The following DENND2A variants were observed in gnomAD, a reference collection of about 807,000 sequenced individuals.
The protein encoded by DENND2A is DENN domain-containing protein 2A.
In DENND2A, 53 loss-of-function variants were observed where a neutral mutation model predicts 105.3. That is an observed-to-expected ratio of 0.50 (90% CI 0.40 to 0.63). The LOEUF (loss-of-function observed/expected upper bound fraction) is 0.63. Among genes scored for constraint, DENND2A ranks in the 30% least tolerant of loss-of-function variants. The probability of loss-of-function intolerance (pLI) is 0.00; values close to 1 mark genes in which losing one functional copy is unlikely to be tolerated. For synonymous variants in DENND2A, 522 were observed against 508.4 expected (o/e 1.03, Z -0.36); for missense variants, 1,138 against 1,279.6 (o/e 0.89, Z 1.69).
At chr7:140,622,763 G>A (rs1394752546) in intron 1 of DENND2A, among the ~76,000 whole-genome samples, 2 of 151,940 alleles carry the variant, frequency 1.3e-5, no homozygotes, top group East Asian at 3.9e-4. Flanking sequence ...GTGGAGATGG[G>A]GTCTTGCTAT....
chr7:140,617,105 G>A (rs538666825), intron 1 of DENND2A, among the ~76,000 whole-genome samples: 15 of 152,258 alleles, frequency 9.9e-5, no homozygotes, highest in South Asian at 6.2e-4. Flanking sequence ...TGATCTGCCC[G>A]CCTTGGCCTC....
intron 19 of DENND2A, 79 bp from the exon 20 acceptor site, chr7:140,518,817 G>T: frequency 6.7e-7 from 1 of 1,488,098 alleles, no homozygotes; most frequent in Non-Finnish European, 9.3e-7. Flanking sequence ...CCACCCAGAA[G>T]TGGTGCGGGT....
intron 5 of DENND2A, among the ~76,000 whole-genome samples, chr7:140,575,646 G>A (rs1463058341): frequency 6.6e-6 from 1 of 152,120 alleles, no homozygotes; most frequent in Non-Finnish European, 1.5e-5. Context: ...TACCCACACA[G>A]TGGAATACCA....
In DENND2A at chr7:140,581,789, T is replaced by C. The variant is rs115329359; in HGVS notation, c.1245+3800A>G. 6.1e-3 allele frequency among the ~76,000 whole-genome samples: 922 copies of C among 152,282 alleles called. 6 individuals are homozygous for C. Among genetic ancestry groups the C allele is most frequent in the African/African-American group, 0.021 (853 of 41,554 alleles). On this transcript the variant is annotated intron_variant, in intron 5 of 19. Transcript: ENST00000496613. ...TGTTCAGGACAGCTACAGATACAGA[T>C]ACAGCTGGACGTTAAGTTCTTGTTG...
At chr7:140,587,895 T>C in intron 3 of DENND2A, 115 bp from the exon 4 acceptor site, 1 of 1,138,638 alleles carries the variant, frequency 8.8e-7, no homozygotes, top group Non-Finnish European at 1.2e-6. Flanking sequence ...GAAAAATTGT[T>C]ACCGAAATCA....
chr7:140,601,072 T>C (rs1799466863), intron 3 of DENND2A, among the ~76,000 whole-genome samples: 1 of 152,188 alleles, frequency 6.6e-6, no homozygotes, highest in Non-Finnish European at 1.5e-5. Flanking sequence ...TAGCAGGGAC[T>C]ACCAAGTTGT....
At chr7:140,524,246 T>C (rs1795965826) in intron 16 of DENND2A, among the ~76,000 whole-genome samples, 1 of 152,190 alleles carries the variant, frequency 6.6e-6, no homozygotes, top group South Asian at 2.1e-4. Flanking sequence ...TTGGAAGTAA[T>C]CCATCAGAAT....
At chr7:140,568,069 T>A (rs1309322510) in intron 8 of DENND2A, among the ~76,000 whole-genome samples, 1 of 152,098 alleles carries the variant, frequency 6.6e-6, no homozygotes, top group East Asian at 1.9e-4. Flanking sequence ...GCCTCCTGAG[T>A]ATCTGGGATT....
At chr7:140,605,656 G>A (rs1183155340) in intron 2 of DENND2A, 49 bp downstream of exon 2, 1 of 152,196 alleles carries the variant, frequency 6.6e-6, no homozygotes, top group African/African-American at 2.4e-5. Flanking sequence ...TGGTAGGAGA[G>A]TAAGAAGCTG....
At chr7:140,569,765 C>T (rs767919573) in intron 6 of DENND2A, 27 bp from the exon 7 acceptor site, 2 of 1,499,170 alleles carry the variant, frequency 1.3e-6, no homozygotes, top group Non-Finnish European at 1.9e-6. Flanking sequence ...GAAGAACAGC[C>T]AGTGTTAGCA....
At chr7:140,557,532 T>TATATATATATATATATATATG (rs71173208) in intron 11 of DENND2A, among the ~76,000 whole-genome samples, 1 of 14,290 alleles carries the variant, frequency 7.0e-5, no homozygotes, top group Admixed American at 1.9e-3. Context: ...TATATATATA[T>TATATATATATATATATATATG]TTTTTTTTTT....
At chr7:140,558,895 C>G (rs939682360) in intron 10 of DENND2A, among the ~76,000 whole-genome samples, 4 of 148,626 alleles carry the variant, frequency 2.7e-5, no homozygotes, top group Admixed American at 2.0e-4. Context: ...CTCTGCCGCC[C>G]GGGTTCAAGC....
At chr7:140,542,750 G>A (rs1796723534) in intron 14 of DENND2A, among the ~76,000 whole-genome samples, 1 of 151,910 alleles carries the variant, frequency 6.6e-6, no homozygotes, top group South Asian at 2.1e-4. Context: ...ATTTTTAGTA[G>A]AGACGGGGTT....
At chr7:140,620,183 A>G (rs1305658275) in intron 1 of DENND2A, among the ~76,000 whole-genome samples, 1 of 151,986 alleles carries the variant, frequency 6.6e-6, no homozygotes, top group Non-Finnish European at 1.5e-5. Flanking sequence ...GCGACAGAGT[A>G]AGACTCTGTC....
chr7:140,620,272 C>T (rs900023883), intron 1 of DENND2A, among the ~76,000 whole-genome samples: 3 of 143,832 alleles, frequency 2.1e-5, no homozygotes, highest in South Asian at 2.2e-4. Flanking sequence ...AAAAAACGTT[C>T]CTGTTGTAAT....
intron 14 of DENND2A, 151 bp downstream of exon 14, chr7:140,544,467 T>C: frequency 2.1e-6 from 2 of 973,474 alleles, no homozygotes; most frequent in Admixed American, 2.0e-5. Context: ...AGTGCTGAGA[T>C]TACAGGTGTG....
Position 140,523,241 on chromosome 7 carries a change from G to T in DENND2A, c.2665+66C>A. ...TATTCCTACTTGGCCCTTGGCCACT[G>T]CCCATTTGTTCCCTGACCCTCAGAG... On this transcript the variant is annotated intron_variant, in intron 17 of 19. Transcript: ENST00000496613. The surrounding 1 kb of genome is among the most constrained non-coding windows in gnomAD (Gnocchi z 4.5). 6.7e-7 allele frequency: 1 copy of T among 1,498,104 alleles called. No individual in the cohort carries two copies. The highest frequency in any genetic ancestry group is 9.3e-7 in the Non-Finnish European group (1 of 1,075,066). 92.8% of individuals were successfully genotyped at this position (1,498,104 alleles called of 1,614,324 possible). A position where few individuals can be genotyped will look rare whatever the true frequency, so the allele number is the denominator to read the frequency against.
chr7:140,537,758 C>T (rs1170633622), intron 14 of DENND2A, among the ~76,000 whole-genome samples: 1 of 152,192 alleles, frequency 6.6e-6, no homozygotes, highest in Non-Finnish European at 1.5e-5. Context: ...CCTGCTTTGG[C>T]CTCCTAAAGT....
chr7:140,575,939 C>T (rs269223), intron 5 of DENND2A, among the ~76,000 whole-genome samples: 75,406 of 150,160 alleles, frequency 0.5, 20,813 homozygotes, highest in African/African-American at 0.74. Flanking sequence ...ACTGCACCCC[C>T]GCCTAGGCAA....
Sources: allele counts gnomAD v4.1 joint callset (sites outside exome capture counted in the v4.1 genomes callset), GRCh38; gene constraint gnomAD v4.1.1; non-coding constraint Gnocchi (gnomAD v3.1); transcripts MANE v1.5; gene names NCBI Gene and HGNC (gene_info 2026-07-23, HGNC 2026-07-21).